The following NRG3 variants were observed in gnomAD, a reference collection of about 807,000 sequenced individuals.
NRG3 encodes the protein pro-neuregulin-3, membrane-bound isoform.
A neutral mutation model predicts 66.9 loss-of-function variants in NRG3; 31 were observed. The ratio of observed to expected loss-of-function variants is 0.46; its 90% CI spans 0.35 to 0.63. The LOEUF (loss-of-function observed/expected upper bound fraction) is 0.63, where lower values mean the gene tolerates loss of function less well. Among genes scored for constraint, NRG3 ranks in the 20% least tolerant of loss-of-function variants. The pLI, the probability that NRG3 is intolerant of heterozygous loss-of-function variation, is 0.00. For synonymous variants in NRG3, 393 were observed against 359.4 expected (o/e 1.09, Z -1.06); for missense variants, 910 against 878.9 (o/e 1.04, Z -0.45).
intron 2 of NRG3, among the ~76,000 whole-genome samples, chr10:82,600,886 C>A (rs1212327891): frequency 6.6e-6 from 1 of 152,058 alleles, no homozygotes. Flanking sequence ...CTGATCCCAT[C>A]ACCAATATAG....
chr10:82,037,520 T>G (rs2062840261), intron 1 of NRG3, among the ~76,000 whole-genome samples: 1 of 152,148 alleles, frequency 6.6e-6, no homozygotes, highest in African/African-American at 2.4e-5. Flanking sequence ...TCCTTTTCCC[T>G]TCTTTGTTCA....
intron 1 of NRG3, among the ~76,000 whole-genome samples, chr10:82,039,496 G>A (rs887847829): frequency 6.6e-6 from 1 of 152,054 alleles, no homozygotes; most frequent in African/African-American, 2.4e-5. Flanking sequence ...GGGAAATGTG[G>A]CATTTTAAAA....
At chr10:82,985,022 GT>G in intron 8 of NRG3, 75 bp from the exon 9 acceptor site, 2 of 1,534,112 alleles carry the variant, frequency 1.3e-6, no homozygotes, top group Non-Finnish European at 1.8e-6. Flanking sequence ...CATGTGAAAA[GT>G]GCTTTGTGGA....
chr10:82,085,056 C>T (rs932682040), intron 1 of NRG3, among the ~76,000 whole-genome samples: 3 of 152,252 alleles, frequency 2.0e-5, no homozygotes, highest in South Asian at 2.1e-4. Context: ...CTGCTACCAT[C>T]GTCAATGGAA....
intron 2 of NRG3, among the ~76,000 whole-genome samples, chr10:82,553,853 T>C (rs958433946): frequency 6.6e-6 from 1 of 152,168 alleles, no homozygotes; most frequent in Non-Finnish European, 1.5e-5. Context: ...ACATGTATAC[T>C]TGCCATAAAT....
intron 4 of NRG3, among the ~76,000 whole-genome samples, chr10:82,943,256 T>G (rs965917325): frequency 6.6e-6 from 1 of 152,236 alleles, no homozygotes; most frequent in Non-Finnish European, 1.5e-5. Flanking sequence ...TGTTTTTCTA[T>G]TTTATTGGTA....
intron 1 of NRG3, among the ~76,000 whole-genome samples, chr10:82,066,606 G>A (rs2064483713): frequency 6.6e-6 from 1 of 152,148 alleles, no homozygotes; most frequent in Admixed American, 6.5e-5. Flanking sequence ...GGTCCTACAA[G>A]CACACAATAT....
chr10:82,521,007 C>T (rs2062848374), intron 2 of NRG3, among the ~76,000 whole-genome samples: 1 of 152,106 alleles, frequency 6.6e-6, no homozygotes, highest in Non-Finnish European at 1.5e-5. Context: ...AAGGCTGCAG[C>T]ATGGGATATA....
chr10:82,588,077 A>G (rs542629167), intron 2 of NRG3, among the ~76,000 whole-genome samples: 106 of 152,316 alleles, frequency 7.0e-4, no homozygotes, highest in Admixed American at 3.9e-3. Context: ...GCAGACAAGT[A>G]CAAGTGAGCA....
At chr10:82,660,621 C>T (rs2052280704) in intron 2 of NRG3, among the ~76,000 whole-genome samples, 1 of 152,310 alleles carries the variant, frequency 6.6e-6, no homozygotes, top group East Asian at 1.9e-4. Context: ...CACAGCTAAA[C>T]TTCAGATAAA....
At chr10:82,646,220 G>A (rs1457400802) in intron 2 of NRG3, among the ~76,000 whole-genome samples, 1 of 152,088 alleles carries the variant, frequency 6.6e-6, no homozygotes, top group African/African-American at 2.4e-5. Context: ...AGTGGGGGTG[G>A]GGTTTTACAG....
rs556981997 is a variant in NRG3 at position 82,556,635 on chromosome 10, A to G, written c.954-181942A>G. 3.9e-4 allele frequency among the ~76,000 whole-genome samples: 59 copies of G among 152,080 alleles called. 1 individual carries two copies. The South Asian group carries it at 0.012, about 31-fold the overall frequency. ...CTGCTATAATTTTCATTAGGCAAAT[A>G]TTTCTCTTTATTTAAACTTTTAGGT... On this transcript the variant is annotated intron_variant, in intron 2 of 8. Transcript: ENST00000372141.
rs1564558530 is a variant in NRG3, at chr10:82,097,308, T to C, written c.823+221145T>C. ...GATATTCAATTGTATCTTTGTTTCA[T>C]CATTTGTTTATCTATTCCCTTATTG... On this transcript the variant is annotated intron_variant, in intron 1 of 8. Transcript: ENST00000372141. 1.3e-5 allele frequency among the ~76,000 whole-genome samples: 2 copies of C among 150,260 alleles called. 1 individual carries two copies. The highest frequency in any genetic ancestry group is 3.9e-4 in the East Asian group (2 of 5,172).
At chr10:82,846,684 A>G (rs1037268911) in intron 3 of NRG3, among the ~76,000 whole-genome samples, 17 of 152,198 alleles carry the variant, frequency 1.1e-4, no homozygotes, top group African/African-American at 3.9e-4. Flanking sequence ...AAACAAATAC[A>G]TAATTGTAAG....
chr10:82,807,546 A>G (rs1459736847), intron 3 of NRG3, among the ~76,000 whole-genome samples: 1 of 152,180 alleles, frequency 6.6e-6, no homozygotes, highest in Admixed American at 6.5e-5. Flanking sequence ...ATAGGACTAC[A>G]ATGTAATTTC....
chr10:82,745,947 A>G (rs1335625005), intron 3 of NRG3, among the ~76,000 whole-genome samples: 1 of 152,142 alleles, frequency 6.6e-6, no homozygotes, highest in Non-Finnish European at 1.5e-5. Context: ...GCTGGAGTGC[A>G]ATGGCATGAT....
At chr10:82,029,194 G>C (rs1443070087) in intron 1 of NRG3, among the ~76,000 whole-genome samples, 2 of 152,040 alleles carry the variant, frequency 1.3e-5, no homozygotes, top group African/African-American at 4.8e-5. Context: ...GGGCAACAGA[G>C]AGAGACTGCA....
At chr10:82,217,255 G>T (rs756305680) in intron 1 of NRG3, among the ~76,000 whole-genome samples, 4 of 152,142 alleles carry the variant, frequency 2.6e-5, no homozygotes, top group Admixed American at 6.5e-5. Flanking sequence ...TGTGCCTCTG[G>T]CAAGCTGTAA....
rs540844070 is a variant in NRG3 at position 82,954,009 on chromosome 10, A to C, written c.1157+2438A>C. Among the ~76,000 whole-genome samples, 28 of 151,572 alleles carry C rather than the reference A, an allele frequency of 1.8e-4. No homozygotes were observed. In the South Asian group the frequency reaches 5.8e-3, roughly 32 times the overall value. Reference sequence around the variant, plus strand: ...GTGTAAAGGGCATAGCAAAGTGTTTAAAAGAGTAAATACCCAATGGAGGCT... The same window carrying C: ...GTGTAAAGGGCATAGCAAAGTGTTTCAAAGAGTAAATACCCAATGGAGGCT... On this transcript the variant is annotated intron_variant, in intron 5 of 8. Transcript: ENST00000372141.
Sources: allele counts gnomAD v4.1 joint callset (sites outside exome capture counted in the v4.1 genomes callset), GRCh38; gene constraint gnomAD v4.1.1; transcripts MANE v1.5; gene names NCBI Gene and HGNC (gene_info 2026-07-23, HGNC 2026-07-21).